Variants in CCDC192 observed in about 807,000 individuals in gnomAD.
CCDC192 encodes coiled-coil domain-containing protein 192.
chr5:127,892,629 G>A (rs889358234), intron 6 of CCDC192, among the ~76,000 whole-genome samples: 2 of 152,114 alleles, frequency 1.3e-5, no homozygotes, highest in Non-Finnish European at 2.9e-5. Context: ...TTGGCAACTG[G>A]CAGTGCAGTC....
At chr5:127,875,172 A>T (rs1233438884) in intron 5 of CCDC192, among the ~76,000 whole-genome samples, 1 of 152,172 alleles carries the variant, frequency 6.6e-6, no homozygotes, top group East Asian at 1.9e-4. Flanking sequence ...CTACTTACAG[A>T]TGGGAAAAAA....
chr5:127,919,576 A>G (rs1753648132), intron 6 of CCDC192, among the ~76,000 whole-genome samples: 1 of 152,160 alleles, frequency 6.6e-6, no homozygotes, highest in Non-Finnish European at 1.5e-5. Context: ...CTCAAAGCAG[A>G]TTCTCAGTAT....
intron 6 of CCDC192, among the ~76,000 whole-genome samples, chr5:127,938,649 C>G (rs1043718147): frequency 2.6e-5 from 4 of 152,196 alleles, no homozygotes; most frequent in African/African-American, 9.7e-5. Context: ...ACAATGTATT[C>G]TAAATATTAT....
intron 5 of CCDC192, among the ~76,000 whole-genome samples, chr5:127,827,908 A>C (rs1407921218): frequency 6.6e-6 from 1 of 151,994 alleles, no homozygotes; most frequent in Non-Finnish European, 1.5e-5. Context: ...ATTTGCTAAG[A>C]ATTTTTTTTT....
At chr5:127,915,213 A>T (rs983206419) in intron 6 of CCDC192, among the ~76,000 whole-genome samples, 120 of 151,426 alleles carry the variant, frequency 7.9e-4, no homozygotes, top group African/African-American at 2.8e-3. Flanking sequence ...AAACATGTTT[A>T]AAAAACAATG....
At chr5:127,738,426 A>G (rs375924855) in intron 2 of CCDC192, among the ~76,000 whole-genome samples, 116 of 141,672 alleles carry the variant, frequency 8.2e-4, no homozygotes, top group African/African-American at 2.8e-3. Context: ...TGCTCTTCTC[A>G]AGGAGTATCT....
chr5:127,836,608 C>T (rs929101336), intron 5 of CCDC192, among the ~76,000 whole-genome samples: 5 of 152,212 alleles, frequency 3.3e-5, no homozygotes, highest in Non-Finnish European at 7.3e-5. Context: ...CAGAAGTTCC[C>T]AAACCTTAAT....
At chr5:127,789,086 G>C (rs1756724941) in intron 3 of CCDC192, among the ~76,000 whole-genome samples, 1 of 152,204 alleles carries the variant, frequency 6.6e-6, no homozygotes, top group African/African-American at 2.4e-5. Context: ...TGAGACTCCA[G>C]AATTGTAAGA....
intron 2 of CCDC192, among the ~76,000 whole-genome samples, chr5:127,726,583 C>T (rs531665829): frequency 6.6e-6 from 1 of 152,338 alleles, no homozygotes; most frequent in South Asian, 2.1e-4. Flanking sequence ...CCTGTGGGTG[C>T]TGGGGAGGCT....
At chr5:127,793,151 A>G (rs1756977227) in intron 3 of CCDC192, among the ~76,000 whole-genome samples, 1 of 152,202 alleles carries the variant, frequency 6.6e-6, no homozygotes, top group South Asian at 2.1e-4. Flanking sequence ...AAAAGTTGAA[A>G]TTATTTTTAA....
intron 6 of CCDC192, among the ~76,000 whole-genome samples, chr5:127,882,625 C>T (rs1054484973): frequency 6.6e-6 from 1 of 152,156 alleles, no homozygotes; most frequent in Non-Finnish European, 1.5e-5. Flanking sequence ...ACTTTATCTC[C>T]ATTAGAAAAT....
chr5:127,751,908 G>A (rs574064985), intron 2 of CCDC192, among the ~76,000 whole-genome samples: 14 of 151,736 alleles, frequency 9.2e-5, no homozygotes, highest in East Asian at 3.9e-4. Context: ...TGATCGCATC[G>A]GCTCCTGAGG....
intron 2 of CCDC192, among the ~76,000 whole-genome samples, chr5:127,725,688 C>T (rs1256659111): frequency 6.6e-6 from 1 of 152,122 alleles, no homozygotes; most frequent in African/African-American, 2.4e-5. Context: ...GTCTGGAGAG[C>T]TTGCTGTAGC....
At position 127,770,119 on chromosome 5, in the gene CCDC192, C is replaced by G. The variant is rs570144052; in HGVS notation, c.222+15744C>G. ...TTTTGTTTAGAGACTGGACCCCACT[C>G]TTTTGCCCAGGCTAGAGTGCAGTGG... On this transcript the variant is annotated intron_variant, in intron 3 of 6. Transcript: ENST00000514853. Among the ~76,000 whole-genome samples, 26 of 152,300 alleles carry G rather than the reference C, an allele frequency of 1.7e-4. No individual in the cohort carries two copies. In the East Asian group the frequency reaches 4.2e-3, roughly 25 times the overall value.
intron 2 of CCDC192, among the ~76,000 whole-genome samples, chr5:127,719,867 G>C (rs1751918382): frequency 6.7e-6 from 1 of 149,662 alleles, no homozygotes; most frequent in Non-Finnish European, 1.5e-5. Context: ...TAAACCACCA[G>C]ATCTCATGAG....
intron 2 of CCDC192, among the ~76,000 whole-genome samples, chr5:127,715,631 A>G (rs1751585323): frequency 6.6e-6 from 1 of 152,202 alleles, no homozygotes; most frequent in South Asian, 2.1e-4. Context: ...TACCATTGGT[A>G]TTTTGATAGG....
At chr5:127,717,237 T>C (rs1191453199) in intron 2 of CCDC192, among the ~76,000 whole-genome samples, 1 of 152,166 alleles carries the variant, frequency 6.6e-6, no homozygotes, top group East Asian at 1.9e-4. Flanking sequence ...GAATTTACTT[T>C]TTGCCACAAA....
intron 6 of CCDC192, among the ~76,000 whole-genome samples, chr5:127,911,129 C>T (rs1373090542): frequency 6.6e-6 from 1 of 152,194 alleles, no homozygotes; most frequent in African/African-American, 2.4e-5. Context: ...ATGGAAATCG[C>T]TTTCTTTAAT....
At chr5:127,862,259 C>T (rs1292205527) in intron 5 of CCDC192, among the ~76,000 whole-genome samples, 7 of 152,186 alleles carry the variant, frequency 4.6e-5, no homozygotes, top group Non-Finnish European at 2.9e-5. Flanking sequence ...AGAAAAATGG[C>T]AGGCATGTTA....
Sources: gnomAD v4.1 joint callset for allele counts (sites outside exome capture counted in the v4.1 genomes callset) on GRCh38, gnomAD v4.1.1 for gene constraint, MANE v1.5 for transcripts, NCBI Gene and HGNC (gene_info 2026-07-23, HGNC 2026-07-21) for gene names.